The following CDK6 variants were observed in gnomAD, a reference collection of about 807,000 sequenced individuals.
CDK6 encodes cyclin dependent kinase 6.
CDK6 carries 6 observed loss-of-function variants against 37.1 expected under a neutral mutation model. The observed-to-expected ratio is 0.16, with a 90% CI of 0.09 to 0.32. CDK6 has a LOEUF of 0.32. CDK6 is among the 10% of genes least tolerant of loss of function. The pLI is 1.00. For synonymous variants in CDK6, 160 were observed against 161.3 expected (o/e 0.99, Z 0.06); for missense variants, 224 against 418.9 (o/e 0.53, Z 4.06).
intron 4 of CDK6, among the ~76,000 whole-genome samples, chr7:92,714,093 A>G (rs1198835715): frequency 1.3e-5 from 2 of 152,234 alleles, no homozygotes; most frequent in South Asian, 2.1e-4. Context: ...TTTTAAAAAT[A>G]GAAGACAGAA....
At chr7:92,670,486 C>A (rs1166792050) in intron 5 of CDK6, among the ~76,000 whole-genome samples, 3 of 152,124 alleles carry the variant, frequency 2.0e-5, no homozygotes, top group Non-Finnish European at 4.4e-5. Context: ...TCCTAACTTA[C>A]CTTTTCCCAT....
chr7:92,833,401 C>T lies in CDK6; in HGVS notation c.-78G>A, dbSNP rs1402731541. The stretch of plus-strand genomic sequence containing the variant: ...TCAACTAGCTGGCGGCCGCCGCTCG[C>T]CTACTCCGGGGCTCCCCGGAGATCG... On this transcript the variant is annotated 5_prime_UTR_variant, in exon 2 of 8. Transcript: ENST00000424848. The surrounding 1 kb of genome is among the most constrained non-coding windows in gnomAD (Gnocchi z 6.1). 1.1e-5 allele frequency: 11 copies of T among 1,022,540 alleles called. No individual in the cohort carries two copies. The Admixed American group carries it at 1.1e-4, about 10-fold the overall frequency. The allele number at this position is 1,022,540 out of a possible 1,614,324, so 63.3% of individuals were successfully genotyped here. A position where few individuals can be genotyped will look rare whatever the true frequency, so the allele number is the denominator to read the frequency against.
At chr7:92,694,154 T>G (rs1797657504) in intron 4 of CDK6, among the ~76,000 whole-genome samples, 1 of 152,112 alleles carries the variant, frequency 6.6e-6, no homozygotes, top group Admixed American at 6.5e-5. Context: ...CCAGATATAC[T>G]CTGGATATTA....
chr7:92,662,703 A>G (rs1796866712), intron 5 of CDK6, among the ~76,000 whole-genome samples: 3 of 152,166 alleles, frequency 2.0e-5, no homozygotes, highest in African/African-American at 7.2e-5. Flanking sequence ...CGTATTTGCA[A>G]AACACTTCTG....
chr7:92,672,186 C>T (rs1205084496), intron 4 of CDK6, among the ~76,000 whole-genome samples: 23 of 98,218 alleles, frequency 2.3e-4, no homozygotes, highest in African/African-American at 7.4e-4. Flanking sequence ...CACACACAGA[C>T]ACATACACAC....
intron 3 of CDK6, among the ~76,000 whole-genome samples, chr7:92,740,823 C>G (rs1798904943): frequency 6.6e-6 from 1 of 152,172 alleles, no homozygotes; most frequent in Non-Finnish European, 1.5e-5. Flanking sequence ...CTAACACACA[C>G]AAGGCCCATA....
chr7:92,762,901 C>CTATCCT (rs1799493370), intron 3 of CDK6, among the ~76,000 whole-genome samples: 1 of 152,132 alleles, frequency 6.6e-6, no homozygotes, highest in African/African-American at 2.4e-5. Flanking sequence ...ATAGCTATTT[C>CTATCCT]CAGATTGATC....
intron 3 of CDK6, among the ~76,000 whole-genome samples, chr7:92,738,173 C>CCT (rs929009466): frequency 3.9e-5 from 6 of 152,042 alleles, no homozygotes; most frequent in Admixed American, 1.3e-4. Context: ...CTTCAATCTG[C>CCT]TGGAGGAAGA....
chr7:92,771,867 G>A (rs1250397767), intron 3 of CDK6, among the ~76,000 whole-genome samples: 1 of 152,128 alleles, frequency 6.6e-6, no homozygotes. Context: ...CCATAAATGA[G>A]CCTATATAAC....
At chr7:92,738,514 C>A (rs912605733) in intron 3 of CDK6, among the ~76,000 whole-genome samples, 56 of 151,914 alleles carry the variant, frequency 3.7e-4, no homozygotes, top group African/African-American at 1.2e-3. Context: ...TGGTGCATGC[C>A]TGTAATCCCA....
intron 5 of CDK6, among the ~76,000 whole-genome samples, chr7:92,669,326 T>C (rs1156630081): frequency 2.0e-5 from 3 of 152,234 alleles, no homozygotes; most frequent in Non-Finnish European, 2.9e-5. Flanking sequence ...TAAAATAAAA[T>C]TTGTTCCACA....
intron 4 of CDK6, among the ~76,000 whole-genome samples, chr7:92,722,901 T>C (rs1354141781): frequency 6.6e-6 from 1 of 152,164 alleles, no homozygotes; most frequent in Non-Finnish European, 1.5e-5. Context: ...AACAGTATTA[T>C]AGGCTGGGCA....
chr7:92,781,792 A>G lies in CDK6; in HGVS notation c.234-6961T>C, dbSNP rs913222726. 2.6e-5 allele frequency among the ~76,000 whole-genome samples: 4 copies of G among 152,228 alleles called. No individual in the cohort carries two copies. The East Asian group carries it at 7.7e-4, about 29-fold the overall frequency. On this transcript the variant is annotated intron_variant, in intron 2 of 7. Coordinates refer to ENST00000424848, the MANE Select transcript of CDK6 (RefSeq NM_001145306.2). ...ACAAAATTCTGCTTGAACTAGAGCC[A>G]GTATTTGGAATCGAGAAGAATTTTT...
chr7:92,721,287 C>T (rs901820364), intron 4 of CDK6, among the ~76,000 whole-genome samples: 3 of 152,142 alleles, frequency 2.0e-5, no homozygotes, highest in African/African-American at 7.2e-5. Flanking sequence ...TGAGCCCATG[C>T]CCTTCCCATT....
Position 92,608,490 on chromosome 7 carries a change from G to C in CDK6, c.*6650C>G, listed in dbSNP as rs1317606674. On this transcript the variant is annotated 3_prime_UTR_variant, in exon 8 of 8. Transcript: ENST00000424848. Reference sequence around the variant, plus strand: ...CATATCTTTCACCATCACATATATAGAATGATGGAAAATAAAAAAATAAAA... The same window carrying C: ...CATATCTTTCACCATCACATATATACAATGATGGAAAATAAAAAAATAAAA... 4.3e-6 allele frequency: 1 copy of C among 230,092 alleles called. No homozygotes were observed. The highest frequency in any genetic ancestry group is 8.6e-6 in the Non-Finnish European group (1 of 116,378). 14.3% of individuals were successfully genotyped at this position (230,092 alleles called of 1,614,324 possible).
Position 92,833,189 on chromosome 7 carries a change from C to CA in CDK6, c.134dup (p.Arg46AlafsTer36). ...TGCCCTCCTCGCCGGTCTGCACCCG[C>CA]ACGCGCTTCAACGCCACGAAACGGC... On this transcript the variant is annotated frameshift_variant, in exon 2 of 8. Coordinates refer to ENST00000424848, the MANE Select transcript of CDK6 (RefSeq NM_001145306.2). LOFTEE classifies it high-confidence loss of function. This position sits in a 1 kb window ranked among gnomAD's most constrained non-coding sequence, Gnocchi z 6.1. 1 of 1,609,568 alleles carries CA rather than the reference C, an allele frequency of 6.2e-7. No individual in the cohort carries two copies. The highest frequency in any genetic ancestry group is 8.5e-7 in the Non-Finnish European group (1 of 1,178,636).
At position 92,833,375 on chromosome 7, in the gene CDK6, C is replaced by T. The variant is rs1041129439; in HGVS notation, c.-52G>A. ...GCCGCTGGGGCGGGCGGGGGGTGCG[C>T]TCAACTAGCTGGCGGCCGCCGCTCG... On this transcript the variant is annotated 5_prime_UTR_variant, in exon 2 of 8. Transcript: ENST00000424848. This position sits in a 1 kb window ranked among gnomAD's most constrained non-coding sequence, Gnocchi z 6.1. 7.6e-7 allele frequency: 1 copy of T among 1,323,052 alleles called. No individual in the cohort carries two copies. Among genetic ancestry groups the T allele is most frequent in the Non-Finnish European group, 1.0e-6 (1 of 976,226 alleles). 82.0% of individuals were successfully genotyped at this position (1,323,052 alleles called of 1,614,324 possible). A position where few individuals can be genotyped will look rare whatever the true frequency, so the allele number is the denominator to read the frequency against.
At chr7:92,810,140 T>C (rs1800837601) in intron 2 of CDK6, among the ~76,000 whole-genome samples, 2 of 152,184 alleles carry the variant, frequency 1.3e-5, no homozygotes, top group Non-Finnish European at 2.9e-5. Flanking sequence ...CGTGTGTATG[T>C]GTGTGTATAT....
At chr7:92,791,167 A>C (rs1404005716) in intron 2 of CDK6, among the ~76,000 whole-genome samples, 1 of 152,070 alleles carries the variant, frequency 6.6e-6, no homozygotes, top group Admixed American at 6.6e-5. Flanking sequence ...CTAAGTGTCT[A>C]AATGTGGCGG....
Sources: allele counts gnomAD v4.1 joint callset (sites outside exome capture counted in the v4.1 genomes callset), GRCh38; gene constraint gnomAD v4.1.1; non-coding constraint Gnocchi (gnomAD v3.1); transcripts MANE v1.5; gene names NCBI Gene and HGNC (gene_info 2026-07-23, HGNC 2026-07-21).